PCDH15: variants seen among roughly 807,000 people sequenced by gnomAD.
PCDH15 encodes protocadherin-15.
Under a neutral mutation model 178.5 loss-of-function variants are expected in PCDH15, and 129 were observed. The ratio of observed to expected loss-of-function variants is 0.72; its 90% CI spans 0.63 to 0.84. PCDH15 has a LOEUF of 0.84. Among genes scored for constraint, PCDH15 ranks in the 40% least tolerant of loss-of-function variants. The pLI is 0.00. For synonymous variants in PCDH15, 800 were observed against 732.0 expected, an observed-to-expected ratio of 1.09 and a Z score of -1.50; for missense variants, 2,230 against 2,099.9, an observed-to-expected ratio of 1.06 and a Z score of -1.21.
At chr10:54,243,506 CA>C (rs943385529) in intron 8 of PCDH15, among the ~76,000 whole-genome samples, 21 of 147,210 alleles carry the variant, frequency 1.4e-4, no homozygotes, top group Non-Finnish European at 2.3e-4. Context: ...GACTCAGCGT[CA>C]AAAAAAAAAG....
rs73249240 is a variant in PCDH15 at position 54,586,621 on chromosome 10, G to A, written c.92-58744C>T. ...TAAAGTTTAGTTTGGGACAAGATAT[G>A]TATGACCTTGTAGCATTCCTATTTA... is the stretch of plus-strand genomic sequence containing the variant. On this transcript the variant is annotated intron_variant, in intron 2 of 37. Transcript: ENST00000644397. 5.2e-3 allele frequency among the ~76,000 whole-genome samples: 791 copies of A among 152,248 alleles called. 9 individuals are homozygous for A. Among genetic ancestry groups the A allele is most frequent in the African/African-American group, 0.018 (747 of 41,550 alleles).
rs1589841019 is a variant in PCDH15, at chr10:54,518,288, A to G, written c.157+9524T>C. ...GAATCCAAGAGCTGGTTTTTTGAAA[A>G]GATCAACAAAATTGATAGACCGCTA... is the stretch of plus-strand genomic sequence containing the variant. On this transcript the variant is annotated intron_variant, in intron 3 of 37. Transcript: ENST00000644397. Among the ~76,000 whole-genome samples, 23 of 152,300 alleles carry G rather than the reference A, an allele frequency of 1.5e-4. No individual in the cohort carries two copies. The South Asian group carries it at 4.8e-3, about 32-fold the overall frequency.
intron 2 of PCDH15, among the ~76,000 whole-genome samples, chr10:54,637,971 T>A (rs1172600705): frequency 6.6e-6 from 1 of 152,074 alleles, no homozygotes; most frequent in African/African-American, 2.4e-5. Context: ...CTTGACTAAT[T>A]AGTACAGTCT....
At chr10:54,870,538 C>T (rs1249788655) in intron 3 of PCDH15, among the ~76,000 whole-genome samples, 1 of 152,166 alleles carries the variant, frequency 6.6e-6, no homozygotes, top group African/African-American at 2.4e-5. Flanking sequence ...GTAATCCTAG[C>T]ACTTCAGGAG....
chr10:54,412,465 T>C (rs1953679564), intron 3 of PCDH15, among the ~76,000 whole-genome samples: 1 of 152,240 alleles, frequency 6.6e-6, no homozygotes, highest in South Asian at 2.1e-4. Context: ...CAATTTCAAG[T>C]TGGGGAATTT....
intron 21 of PCDH15, among the ~76,000 whole-genome samples, chr10:53,964,561 A>C (rs1189882321): frequency 1.4e-5 from 2 of 144,744 alleles, no homozygotes; most frequent in Non-Finnish European, 3.0e-5. Context: ...GGATAACCAC[A>C]CATCAAGGGT....
intron 1 of PCDH15, among the ~76,000 whole-genome samples, chr10:55,282,155 A>G (rs995632166): frequency 2.0e-5 from 3 of 152,150 alleles, no homozygotes; most frequent in Admixed American, 6.6e-5. Context: ...AAGATCCTTA[A>G]TAATAATACT....
chr10:55,442,207 C>T (rs1218105819), intron 2 of PCDH15, among the ~76,000 whole-genome samples: 1 of 151,602 alleles, frequency 6.6e-6, no homozygotes, highest in Non-Finnish European at 1.5e-5. Flanking sequence ...AATATAAATG[C>T]AAAAATCTGA....
intron 5 of PCDH15, among the ~76,000 whole-genome samples, chr10:54,358,197 G>A (rs1205491202): frequency 6.7e-6 from 1 of 149,860 alleles, no homozygotes; most frequent in East Asian, 1.9e-4. Context: ...CTTCTGCACA[G>A]CAAAAGAAAC....
intron 3 of PCDH15, among the ~76,000 whole-genome samples, chr10:54,450,828 T>C (rs1204925802): frequency 6.6e-6 from 1 of 151,846 alleles, no homozygotes; most frequent in East Asian, 1.9e-4. Flanking sequence ...GTAAACAAAA[T>C]GCTTCTCAGA....
intron 3 of PCDH15, among the ~76,000 whole-genome samples, chr10:54,842,542 AC>A (rs1044305102): frequency 6.6e-6 from 1 of 151,952 alleles, no homozygotes; most frequent in Non-Finnish European, 1.5e-5. Context: ...TTGAAATTCT[AC>A]TAAGATATTC....
chr10:54,142,014 T>C (rs2043455569), intron 14 of PCDH15, among the ~76,000 whole-genome samples: 1 of 151,854 alleles, frequency 6.6e-6, no homozygotes, highest in South Asian at 2.1e-4. Flanking sequence ...CATTTTTCAA[T>C]AATGGAAAAA....
intron 2 of PCDH15, among the ~76,000 whole-genome samples, chr10:55,049,505 T>C (rs1381139504): frequency 6.6e-6 from 1 of 151,904 alleles, no homozygotes; most frequent in Non-Finnish European, 1.5e-5. Context: ...TGGTAACTCC[T>C]CTTATAATTT....
intron 1 of PCDH15, among the ~76,000 whole-genome samples, chr10:55,220,550 G>A (rs1375865300): frequency 6.6e-6 from 1 of 151,958 alleles, no homozygotes; most frequent in Admixed American, 6.6e-5. Flanking sequence ...ATATACTTAG[G>A]CTATGTGGTA....
chr10:54,672,966 C>G (rs115661101), intron 1 of PCDH15, among the ~76,000 whole-genome samples: 1,989 of 152,124 alleles, frequency 0.013, 30 homozygotes, highest in African/African-American at 0.044. Flanking sequence ...TAAAAAATGA[C>G]TTCACATGTT....
intron 2 of PCDH15, among the ~76,000 whole-genome samples, chr10:54,625,981 C>G (rs879337651): frequency 1.3e-5 from 2 of 152,114 alleles, no homozygotes; most frequent in Non-Finnish European, 2.9e-5. Context: ...AGATGAGGAA[C>G]TTGTTGGAAA....
At chr10:54,421,116 G>A (rs1270062104) in intron 3 of PCDH15, among the ~76,000 whole-genome samples, 1 of 151,702 alleles carries the variant, frequency 6.6e-6, no homozygotes, top group Admixed American at 6.6e-5. Context: ...TTCTCTTATT[G>A]TATTGTATTG....
chr10:54,134,635 C>A (rs2042737223), intron 14 of PCDH15, among the ~76,000 whole-genome samples: 1 of 151,524 alleles, frequency 6.6e-6, no homozygotes. Context: ...CGCCTGGGGT[C>A]CCAGCTACTT....
chr10:53,851,418 A>C (rs563104608), intron 28 of PCDH15, among the ~76,000 whole-genome samples: 1 of 151,606 alleles, frequency 6.6e-6, no homozygotes, highest in Non-Finnish European at 1.5e-5. Context: ...ATCTGTAACT[A>C]TTTATTTTTT....
Sources: allele counts gnomAD v4.1 joint callset (sites outside exome capture counted in the v4.1 genomes callset), GRCh38; gene constraint gnomAD v4.1.1; transcripts MANE v1.5; gene names NCBI Gene and HGNC (gene_info 2026-07-23, HGNC 2026-07-21).